Variants in COCH observed in about 807,000 individuals in gnomAD.
COCH encodes coagulation factor C homolog, cochlin (Limulus polyphemus).
A neutral mutation model predicts 54.8 loss-of-function variants in COCH; 40 were observed. The ratio of observed to expected loss-of-function variants is 0.73; its 90% CI spans 0.57 to 0.95. COCH has a LOEUF of 0.95. COCH is among the 40% of genes least tolerant of loss of function. The pLI, the probability that COCH is intolerant of heterozygous loss-of-function variation, is 0.00. For synonymous variants in COCH, 256 were observed against 237.9 expected (o/e 1.08, Z -0.70); for missense variants, 605 against 675.0 (o/e 0.90, Z 1.15).
chr14:30,877,503 G>T lies in COCH; in HGVS notation c.83-69G>T. ...GGAAGTAAAACTTAAATCTCACACT[G>T]TAGTCTCCCCACCACTATGCCCCAA... On this transcript the variant is annotated intron_variant, in intron 3 of 11. Transcript: ENST00000396618. This position sits in a 1 kb window ranked among gnomAD's most constrained non-coding sequence, Gnocchi z 8.6. 1.3e-6 allele frequency: 2 copies of T among 1,581,072 alleles called. No homozygotes were observed. The highest frequency in any genetic ancestry group is 1.1e-5 in the South Asian group (1 of 89,970).
chr14:30,888,731 C>T (rs897287962), intron 11 of COCH, among the ~76,000 whole-genome samples: 1 of 149,542 alleles, frequency 6.7e-6, no homozygotes. Flanking sequence ...GTTGAGGCTG[C>T]AGTGAGCCTT....
At chr14:30,888,547 C>T (rs530218879) in intron 11 of COCH, among the ~76,000 whole-genome samples, 8 of 152,020 alleles carry the variant, frequency 5.3e-5, no homozygotes, top group African/African-American at 1.7e-4. Flanking sequence ...TTTGGGAGGC[C>T]GAGGCAGATG....
At chr14:30,894,887 CTTT>C, downstream of COCH, 2 of 765,412 alleles carry the variant, frequency 2.6e-6, no homozygotes, top group Non-Finnish European at 3.3e-6. Context: ...GTTAAATTTT[CTTT>C]TTCTTTTTTT....
intron 11 of COCH, chr14:30,889,405 GA>G: frequency 1.8e-6 from 1 of 559,102 alleles, no homozygotes; most frequent in Non-Finnish European, 3.2e-6. Flanking sequence ...GCGAATTACA[GA>G]TATAGCAGAG....
chr14:30,888,886 T>G (rs1895885740), intron 11 of COCH, among the ~76,000 whole-genome samples: 1 of 152,040 alleles, frequency 6.6e-6, no homozygotes, highest in African/African-American at 2.4e-5. Context: ...ACAGTTGTAC[T>G]AAAAGCCTTC....
downstream of COCH, chr14:30,894,274 T>A (rs945043713): frequency 6.6e-6 from 1 of 152,396 alleles, no homozygotes; most frequent in African/African-American, 2.4e-5. Flanking sequence ...TTTGGAATCA[T>A]GGTAAACCAA....
intron 9 of COCH, chr14:30,884,942 C>A (rs1318030504): frequency 6.3e-7 from 1 of 1,597,172 alleles, no homozygotes; most frequent in East Asian, 2.2e-5. Context: ...CTTTGTAATG[C>A]TAAAAAGAAG....
At chr14:30,879,317 A>G in intron 5 of COCH, 106 bp from the exon 6 acceptor site, 2 of 1,135,810 alleles carry the variant, frequency 1.8e-6, no homozygotes, top group Admixed American at 2.0e-5. Context: ...AACTACAATC[A>G]CCATTACCCT....
rs1895414253 is a variant in COCH at position 30,877,669 on chromosome 14, T to G, written c.180T>G (p.Ser60=). The G allele has an allele frequency of 6.2e-7, 1 of 1,614,248 alleles. No individual in the cohort carries two copies. The highest frequency in any genetic ancestry group is 8.5e-7 in the Non-Finnish European group (1 of 1,180,044). Reference sequence around the variant, plus strand: ...GGGGCTGCCCTCTTGAGGAATTCTCTGTGTATGGGAACATAGTATATGCTT... The same window carrying G: ...GGGGCTGCCCTCTTGAGGAATTCTCGGTGTATGGGAACATAGTATATGCTT... ...CPGGCPLEEF[S]VYGNIVYASV... is the part of the protein sequence containing the mutation. Residue 60 remains serine, a synonymous_variant, in exon 4 of 12, where the codon TCT becomes TCG. Coordinates refer to ENST00000396618, the MANE Select transcript of COCH (RefSeq NM_004086.3). The surrounding 1 kb of genome is among the most constrained non-coding windows in gnomAD (Gnocchi z 8.6).
chr14:30,881,841 G>A (rs1895601645), intron 8 of COCH, among the ~76,000 whole-genome samples: 2 of 151,500 alleles, frequency 1.3e-5, no homozygotes, highest in Non-Finnish European at 3.0e-5. Context: ...GCAGGCGCCT[G>A]TAGTCCCAGC....
At chr14:30,888,126 T>G (rs1895854035) in intron 11 of COCH, among the ~76,000 whole-genome samples, 1 of 145,064 alleles carries the variant, frequency 6.9e-6, no homozygotes, top group Non-Finnish European at 1.6e-5. Context: ...TACAGTGGTG[T>G]GATTATTTTT....
downstream of COCH, among the ~76,000 whole-genome samples, chr14:30,891,065 A>G (rs141215065): frequency 6.6e-6 from 1 of 151,992 alleles, no homozygotes; most frequent in Non-Finnish European, 1.5e-5. Flanking sequence ...ATAAAAAGAC[A>G]CAAGTTTATC....
downstream of COCH, chr14:30,894,893 CTTTTT>C (rs34255465): frequency 3.4e-5 from 25 of 741,868 alleles, no homozygotes; most frequent in African/African-American, 6.3e-5. Flanking sequence ...TTTTCTTTTT[CTTTTT>C]TTTTTTTTTT....
Position 30,884,629 on chromosome 14 carries a change from G to C in COCH, c.706G>C (p.Gly236Arg). Residue 236 changes from glycine (G) to arginine (R), a missense_variant, in exon 9 of 12, where the codon GGT becomes CGT. Physicochemically the swap from Gly to Arg is moderately radical, Grantham distance 125 (BLOSUM62 -2). Transcript: ENST00000396618. ...KDVLFAIKEV[G>R]FRGGNSNTGK... is the part of the protein sequence containing the mutation. ...TGTTTTGTTTGCCATAAAGGAAGTAGGTTTCAGAGGGGGTAATTCCAATAC... is the reference window on the plus strand; with the variant it reads ...TGTTTTGTTTGCCATAAAGGAAGTACGTTTCAGAGGGGGTAATTCCAATAC... 1 of 1,613,096 alleles carries C rather than the reference G, an allele frequency of 6.2e-7. No individual in the cohort carries two copies.
chr14:30,884,501 T>C, intron 8 of COCH, 52 bp from the exon 9 acceptor site: 2 of 1,288,944 alleles, frequency 1.6e-6, no homozygotes, highest in Non-Finnish European at 2.3e-6. Flanking sequence ...GTAATGTTGC[T>C]TATTTTACCT....
intron 5 of COCH, 91 bp downstream of exon 5, chr14:30,879,035 GA>G: frequency 6.5e-7 from 1 of 1,533,712 alleles, no homozygotes. Flanking sequence ...AACCTTGATG[GA>G]AAAACCTGTG....
chr14:30,891,475 C>A (rs1895980762), downstream of COCH, among the ~76,000 whole-genome samples: 1 of 152,156 alleles, frequency 6.6e-6, no homozygotes, highest in Non-Finnish European at 1.5e-5. Context: ...GAGAAACAAA[C>A]TGGAATTGAC....
chr14:30,885,968 T>C lies in COCH; in HGVS notation c.1133T>C (p.Val378Ala), dbSNP rs370382942. 2.5e-6 allele frequency: 4 copies of C among 1,614,172 alleles called. No homozygotes were observed. The highest frequency in any genetic ancestry group is 3.4e-6 in the Non-Finnish European group (4 of 1,180,012). Residue 378 changes from valine (V) to alanine (A), a missense_variant, in exon 11 of 12, where the codon GTT becomes GCT. Physicochemically the swap from Val to Ala is moderately conservative, Grantham distance 64. Coordinates refer to ENST00000396618, the MANE Select transcript of COCH (RefSeq NM_004086.3). Reference sequence around the variant, plus strand: ...TTTCTAATTGATGGCTCCAGCAGTGTTGGAGATAGCAATTTCCGCCTCATG... The same window carrying C: ...TTTCTAATTGATGGCTCCAGCAGTGCTGGAGATAGCAATTTCCGCCTCATG... ...IAFLIDGSSS[V>A]GDSNFRLMLE...
chr14:30,881,634 C>T (rs373737796), intron 8 of COCH, among the ~76,000 whole-genome samples: 9 of 152,138 alleles, frequency 5.9e-5, no homozygotes, highest in Admixed American at 2.0e-4. Context: ...ATCTGAAGCA[C>T]GACCTTTCTA....
Sources: gnomAD v4.1 joint callset for allele counts (sites outside exome capture counted in the v4.1 genomes callset) on GRCh38, gnomAD v4.1.1 for gene constraint, Gnocchi (gnomAD v3.1) non-coding constraint, MANE v1.5 for transcripts, NCBI Gene and HGNC (gene_info 2026-07-23, HGNC 2026-07-21) for gene names.